PRKN: variants seen among roughly 807,000 people sequenced by gnomAD.
PRKN encodes parkin RBR E3 ubiquitin protein ligase, also known as E3 ubiquitin-protein ligase parkin.
Under a neutral mutation model 59.5 loss-of-function variants are expected in PRKN, and 56 were observed. That is an observed-to-expected ratio of 0.94 (90% CI 0.76 to 1.18). PRKN has a LOEUF of 1.18. Among genes scored for constraint, PRKN ranks in the 50% most tolerant of loss-of-function variants. The probability of loss-of-function intolerance (pLI) is 0.00; values close to 1 mark genes in which losing one functional copy is unlikely to be tolerated. For missense variants in PRKN, 657 were observed against 596.4 expected, an observed-to-expected ratio of 1.10 and a Z score of -1.06; for synonymous variants, 250 against 222.1, an observed-to-expected ratio of 1.13 and a Z score of -1.12.
In PRKN at chr6:162,262,588, CAG is replaced by C. The variant is rs1562622899; in HGVS notation, c.347_348del (p.Ser116CysfsTer10). On this transcript the variant is annotated frameshift_variant, in exon 3 of 12. Coordinates refer to ENST00000366898, the MANE Select transcript of PRKN (RefSeq NM_004562.3). LOFTEE classifies it high-confidence loss of function. ...GTGTGCAGAATGACAGCCAGCCCCA[CAG>C]AGTCTCCTGGGAGGACTGAGCTGCT... Reference protein sequence around the residue: ...DLSSSVLPGDSVGLAVILHTD... With the variant: ...DLSSSVLPGDXVGLAVILHTD... The C allele has an allele frequency of 1.9e-6, 3 of 1,613,208 alleles. No homozygotes were observed. Among genetic ancestry groups the C allele is most frequent in the South Asian group, 1.1e-5 (1 of 91,078 alleles).
chr6:161,963,155 C>CAA (rs1780448162), intron 6 of PRKN, among the ~76,000 whole-genome samples: 2 of 149,538 alleles, frequency 1.3e-5, no homozygotes, highest in South Asian at 4.2e-4. Flanking sequence ...TGTCTCAAAA[C>CAA]AAAAACAAAC....
At chr6:161,619,029 G>GCT (rs1180494002) in intron 7 of PRKN, among the ~76,000 whole-genome samples, 1 of 152,102 alleles carries the variant, frequency 6.6e-6, no homozygotes, top group Non-Finnish European at 1.5e-5. Context: ...GGCAGCAGAT[G>GCT]CTCTTCACTT....
intron 6 of PRKN, among the ~76,000 whole-genome samples, chr6:161,960,032 TG>T (rs1780324495): frequency 6.6e-6 from 1 of 152,148 alleles, no homozygotes. Context: ...CCTGGGGGAT[TG>T]GGGTATATGA....
rs1790279224 is a variant in PRKN at position 161,462,715 on chromosome 6, TAA to T, written c.1084-75840_1084-75839del. Among the ~76,000 whole-genome samples the T allele has an allele frequency of 6.6e-6, 1 of 152,222 alleles. No individual in the cohort carries two copies. Among genetic ancestry groups the T allele is most frequent in the Non-Finnish European group, 1.5e-5 (1 of 68,040 alleles). Reference sequence around the variant, plus strand: ...AGCTGAATTCGTTGGGAATTGCTGCTAAAACATTCTGTAGCTGGAAAATATCA... The same window carrying T: ...AGCTGAATTCGTTGGGAATTGCTGCTAACATTCTGTAGCTGGAAAATATCA... On this transcript the variant is annotated intron_variant, in intron 9 of 11. Transcript: ENST00000366898. The surrounding 1 kb of genome is among the most constrained non-coding windows in gnomAD (Gnocchi z 4.5).
chr6:161,485,488 T>C (rs1415888969), intron 9 of PRKN, among the ~76,000 whole-genome samples: 5 of 152,212 alleles, frequency 3.3e-5, no homozygotes, highest in African/African-American at 7.2e-5. Flanking sequence ...ATGAAAATAT[T>C]ATCATAGTAA....
In PRKN at chr6:161,467,477, G is replaced by A. The variant is rs889402040; in HGVS notation, c.1084-80600C>T. Among the ~76,000 whole-genome samples, 6 of 152,180 alleles carry A rather than the reference G, an allele frequency of 3.9e-5. No homozygotes were observed. The highest frequency in any genetic ancestry group is 8.8e-5 in the Non-Finnish European group (6 of 68,048). The stretch of plus-strand genomic sequence containing the variant: ...TGACGAGTAAGATGGGCATTTCTCT[G>A]TAAGCATATGGTCCAATGGGGAAGA... On this transcript the variant is annotated intron_variant, in intron 9 of 11. Coordinates refer to ENST00000366898, the MANE Select transcript of PRKN (RefSeq NM_004562.3). The surrounding 1 kb of genome is among the most constrained non-coding windows in gnomAD (Gnocchi z 4.3).
At chr6:161,845,897 C>A (rs560016554) in intron 6 of PRKN, among the ~76,000 whole-genome samples, 15 of 152,108 alleles carry the variant, frequency 9.9e-5, no homozygotes, top group African/African-American at 3.6e-4. Flanking sequence ...CAATCCGACA[C>A]GAAGAGGTGT....
At position 161,652,306 on chromosome 6, in the gene PRKN, G is replaced by T. The variant is rs552332756; in HGVS notation, c.872-82890C>A. 9.2e-5 allele frequency among the ~76,000 whole-genome samples: 14 copies of T among 152,284 alleles called. No homozygotes were observed. In the South Asian group the frequency reaches 2.9e-3, roughly 32 times the overall value. On this transcript the variant is annotated intron_variant, in intron 7 of 11. Coordinates refer to ENST00000366898, the MANE Select transcript of PRKN (RefSeq NM_004562.3). ...TAATGTATCAATGTCAGCAGAAAATGCAAGTCAAGGTATGGCAGCAAAAAT... is the reference window on the plus strand; with the variant it reads ...TAATGTATCAATGTCAGCAGAAAATTCAAGTCAAGGTATGGCAGCAAAAAT...
intron 1 of PRKN, among the ~76,000 whole-genome samples, chr6:162,580,726 T>C (rs1339885900): frequency 6.6e-6 from 1 of 152,118 alleles, no homozygotes; most frequent in Non-Finnish European, 1.5e-5. Flanking sequence ...ACAGAAACCT[T>C]GAGCTACACT....
At chr6:162,457,880 G>T (rs1400999146) in intron 1 of PRKN, among the ~76,000 whole-genome samples, 1 of 151,734 alleles carries the variant, frequency 6.6e-6, no homozygotes, top group South Asian at 2.1e-4. Context: ...CAGCACTTTG[G>T]GAGGCCGAGG....
chr6:162,269,785 G>A (rs58088140), intron 2 of PRKN, among the ~76,000 whole-genome samples: 26,812 of 152,074 alleles, frequency 0.18, 2,863 homozygotes, highest in African/African-American at 0.3. Flanking sequence ...AATATCACTA[G>A]TGATCAGGGA....
intron 1 of PRKN, among the ~76,000 whole-genome samples, chr6:162,563,317 CAAAAA>C (rs55881751): frequency 0.55 from 79,853 of 145,766 alleles, 21,466 homozygotes; most frequent in East Asian, 0.71. Flanking sequence ...AAACAAAAAA[CAAAAA>C]AAAAAAAACA....
At chr6:162,206,326 A>T (rs967625537) in intron 3 of PRKN, among the ~76,000 whole-genome samples, 1 of 152,086 alleles carries the variant, frequency 6.6e-6, no homozygotes, top group Admixed American at 6.6e-5. Flanking sequence ...GACATCTAAG[A>T]GAAGGAAAGT....
At chr6:162,111,741 G>C (rs1034566432) in intron 4 of PRKN, among the ~76,000 whole-genome samples, 1 of 152,076 alleles carries the variant, frequency 6.6e-6, no homozygotes, top group African/African-American at 2.4e-5. Flanking sequence ...TTCCTGGAGA[G>C]AGAAACTAAA....
At chr6:161,628,818 C>A (rs889342278) in intron 7 of PRKN, among the ~76,000 whole-genome samples, 1 of 152,114 alleles carries the variant, frequency 6.6e-6, no homozygotes, top group Non-Finnish European at 1.5e-5. Context: ...TGTAGAGGCG[C>A]GTAATAGGCA....
Position 161,447,762 on chromosome 6 carries a change from G to C in PRKN, c.1084-60885C>G, listed in dbSNP as rs1350025689. ...CCCGCCTCGGCCTCCCAATGTGCTG[G>C]GATTACAGGTATGAGCCACCGTGGC... is the stretch of plus-strand genomic sequence containing the variant. On this transcript the variant is annotated intron_variant, in intron 9 of 11. Transcript: ENST00000366898. This position sits in a 1 kb window ranked among gnomAD's most constrained non-coding sequence, Gnocchi z 4.1. Among the ~76,000 whole-genome samples the C allele has an allele frequency of 6.6e-6, 1 of 152,066 alleles. No individual in the cohort carries two copies. The highest frequency in any genetic ancestry group is 1.5e-5 in the Non-Finnish European group (1 of 68,012).
chr6:162,017,691 C>T (rs76727996), intron 5 of PRKN, among the ~76,000 whole-genome samples: 8,170 of 152,212 alleles, frequency 0.054, 327 homozygotes, highest in Middle Eastern at 0.11. Flanking sequence ...CAGATATTTT[C>T]TCCATTACAG....
intron 5 of PRKN, among the ~76,000 whole-genome samples, chr6:162,023,563 C>G (rs1300129721): frequency 6.6e-6 from 1 of 152,162 alleles, no homozygotes; most frequent in Admixed American, 6.5e-5. Context: ...GCCTGCTCCT[C>G]TCCTCGCCCT....
chr6:161,392,547 A>C (rs2114959053), intron 9 of PRKN, among the ~76,000 whole-genome samples: 1 of 151,974 alleles, frequency 6.6e-6, no homozygotes, highest in African/African-American at 2.4e-5. Context: ...ATATATATAC[A>C]TATATAAATT....
Sources: gnomAD v4.1 joint callset for allele counts (sites outside exome capture counted in the v4.1 genomes callset) on GRCh38, gnomAD v4.1.1 for gene constraint, Gnocchi (gnomAD v3.1) non-coding constraint, MANE v1.5 for transcripts, NCBI Gene and HGNC (gene_info 2026-07-23, HGNC 2026-07-21) for gene names.